CRADD: variants seen among roughly 807,000 people sequenced by gnomAD.
The protein encoded by CRADD is death domain-containing protein CRADD.
CRADD carries 9 observed loss-of-function variants against 15.5 expected under a neutral mutation model. The observed-to-expected ratio is 0.58, with a 90% CI of 0.35 to 1.01. CRADD has a LOEUF of 1.01. Among genes scored for constraint, CRADD ranks in the 50% least tolerant of loss-of-function variants. CRADD has a pLI of 0.02. For synonymous variants in CRADD, 118 were observed against 107.6 expected, an observed-to-expected ratio of 1.10 and a Z score of -0.60; for missense variants, 227 against 250.3, an observed-to-expected ratio of 0.91 and a Z score of 0.63.
chr12:93,816,561 T>G (rs1240547893), intron 2 of CRADD, among the ~76,000 whole-genome samples: 2 of 152,136 alleles, frequency 1.3e-5, no homozygotes, highest in Admixed American at 6.5e-5. Context: ...TTTATGCTTC[T>G]TTTATACTAA....
At chr12:93,728,943 A>G (rs1381886525) in intron 2 of CRADD, among the ~76,000 whole-genome samples, 4 of 152,226 alleles carry the variant, frequency 2.6e-5, no homozygotes, top group Admixed American at 1.3e-4. Flanking sequence ...TTGAGTATAC[A>G]TGGAAACCTA....
chr12:93,820,741 G>A (rs887505088), intron 2 of CRADD, among the ~76,000 whole-genome samples: 8 of 152,092 alleles, frequency 5.3e-5, no homozygotes, highest in African/African-American at 1.9e-4. Flanking sequence ...CAGTCGGGAT[G>A]GATTTGTGAA....
intron 2 of CRADD, among the ~76,000 whole-genome samples, chr12:93,713,521 G>A (rs1280262439): frequency 6.6e-6 from 1 of 151,868 alleles, no homozygotes; most frequent in Non-Finnish European, 1.5e-5. Context: ...TCTACATACA[G>A]CCTCCTGTAT....
chr12:93,727,905 A>C (rs1246050938), intron 2 of CRADD, among the ~76,000 whole-genome samples: 1 of 152,194 alleles, frequency 6.6e-6, no homozygotes, highest in Admixed American at 6.5e-5. Flanking sequence ...ACCCACCCCA[A>C]GAGTCAGCTC....
At chr12:93,867,992 A>T (rs1958384943) in intron 2 of CRADD, among the ~76,000 whole-genome samples, 1 of 152,230 alleles carries the variant, frequency 6.6e-6, no homozygotes, top group African/African-American at 2.4e-5. Flanking sequence ...GTTTGTGTTT[A>T]TGGGAAAGAT....
intron 2 of CRADD, among the ~76,000 whole-genome samples, chr12:93,686,820 G>A (rs1322054205): frequency 6.6e-6 from 1 of 152,066 alleles, no homozygotes; most frequent in South Asian, 2.1e-4. Flanking sequence ...TTTTTCTGCT[G>A]CGCAATCTTG....
chr12:93,692,986 T>A (rs1416236188), intron 2 of CRADD, among the ~76,000 whole-genome samples: 1 of 152,140 alleles, frequency 6.6e-6, no homozygotes, highest in Non-Finnish European at 1.5e-5. Context: ...GTGTAGAATT[T>A]TTGTATGTGA....
intron 2 of CRADD, among the ~76,000 whole-genome samples, chr12:93,719,597 T>C (rs141941723): frequency 5.3e-5 from 8 of 152,320 alleles, no homozygotes; most frequent in Non-Finnish European, 1.2e-4. Flanking sequence ...TTTTAAAGGT[T>C]ATTAAATATT....
Position 93,754,768 on chromosome 12 carries a change from C to T in CRADD, c.298+75696C>T, listed in dbSNP as rs111230451. Reference sequence around the variant, plus strand: ...AAGTTCCAAACTTTCTCACATCTTCCTGTCTTCTGAGGAAGACATTTTCCT... The same window carrying T: ...AAGTTCCAAACTTTCTCACATCTTCTTGTCTTCTGAGGAAGACATTTTCCT... On this transcript the variant is annotated intron_variant, in intron 2 of 2. Coordinates refer to ENST00000332896, the MANE Select transcript of CRADD (RefSeq NM_003805.5). Among the ~76,000 whole-genome samples the T allele has an allele frequency of 4.1e-3, 624 of 152,290 alleles. 5 individuals are homozygous for T. Among genetic ancestry groups the T allele is most frequent in the African/African-American group, 0.014 (599 of 41,566 alleles).
chr12:93,836,959 G>T (rs1384582022), intron 2 of CRADD, among the ~76,000 whole-genome samples: 1 of 152,166 alleles, frequency 6.6e-6, no homozygotes, highest in African/African-American at 2.4e-5. Context: ...TGGACAAAGG[G>T]AATGACAGTG....
At chr12:93,834,536 T>C (rs888183768) in intron 2 of CRADD, among the ~76,000 whole-genome samples, 4 of 152,238 alleles carry the variant, frequency 2.6e-5, no homozygotes, top group Non-Finnish European at 5.9e-5. Flanking sequence ...TTACCCAGGC[T>C]GGACTGCAGT....
intron 2 of CRADD, among the ~76,000 whole-genome samples, chr12:93,806,204 A>G (rs1291153248): frequency 6.6e-6 from 1 of 152,076 alleles, no homozygotes; most frequent in African/African-American, 2.4e-5. Context: ...CTGTAATCCC[A>G]GCACTTTGGG....
At chr12:93,823,315 A>G (rs1957789355) in intron 2 of CRADD, among the ~76,000 whole-genome samples, 1 of 151,086 alleles carries the variant, frequency 6.6e-6, no homozygotes, top group African/African-American at 2.4e-5. Context: ...AAAAAAAAAG[A>G]AGAGGAAGAA....
intron 2 of CRADD, among the ~76,000 whole-genome samples, chr12:93,720,966 T>C (rs1409960718): frequency 2.0e-5 from 3 of 152,236 alleles, no homozygotes; most frequent in African/African-American, 7.2e-5. Flanking sequence ...TTGTGTTTTA[T>C]TTGTTGCCCT....
chr12:93,744,523 T>G (rs1484142417), intron 2 of CRADD, among the ~76,000 whole-genome samples: 2 of 152,208 alleles, frequency 1.3e-5, no homozygotes, highest in African/African-American at 4.8e-5. Context: ...TTAATCACAC[T>G]TGCAGTGTCC....
chr12:93,802,050 T>G (rs533171200), intron 2 of CRADD, among the ~76,000 whole-genome samples: 1 of 152,368 alleles, frequency 6.6e-6, no homozygotes, highest in South Asian at 2.1e-4. Context: ...CTGAGTGGTA[T>G]TCCATGGCAT....
rs908595685 is a variant in CRADD at position 93,850,729 on chromosome 12, A to G, written c.*458A>G. ...ATAAAATAATAAAATGCGAATTACT[A>G]TATATAATGTGCCTCACTCATGAGA... is the stretch of plus-strand genomic sequence containing the variant. On this transcript the variant is annotated 3_prime_UTR_variant, in exon 3 of 3. Transcript: ENST00000332896. The surrounding 1 kb of genome is among the most constrained non-coding windows in gnomAD (Gnocchi z 4.0). 4 of 984,408 alleles carry G rather than the reference A, an allele frequency of 4.1e-6. No individual in the cohort carries two copies. The highest frequency in any genetic ancestry group is 4.8e-6 in the Non-Finnish European group (4 of 829,324). The allele number at this position is 984,408 out of a possible 1,614,324, so 61.0% of individuals were successfully genotyped here.
chr12:93,772,502 A>G (rs1957095077), intron 2 of CRADD, among the ~76,000 whole-genome samples: 1 of 152,198 alleles, frequency 6.6e-6, no homozygotes, highest in African/African-American at 2.4e-5. Context: ...GACACCTCAT[A>G]TTGGAAGCCG....
intron 2 of CRADD, among the ~76,000 whole-genome samples, chr12:93,794,592 C>G (rs944337573): frequency 6.6e-6 from 1 of 152,098 alleles, no homozygotes; most frequent in Non-Finnish European, 1.5e-5. Flanking sequence ...CATCCCAGTC[C>G]GAACCTCTGA....
Sources: gnomAD v4.1 joint callset for allele counts (sites outside exome capture counted in the v4.1 genomes callset) on GRCh38, gnomAD v4.1.1 for gene constraint, Gnocchi (gnomAD v3.1) non-coding constraint, MANE v1.5 for transcripts, NCBI Gene and HGNC (gene_info 2026-07-23, HGNC 2026-07-21) for gene names.